The following TTC14 variants were observed in gnomAD, a reference collection of about 807,000 sequenced individuals.
TTC14 encodes tetratricopeptide repeat domain 14.
Under a neutral mutation model 79.9 loss-of-function variants are expected in TTC14, and 63 were observed. The observed-to-expected ratio is 0.79, with a 90% CI of 0.64 to 0.97. TTC14 has a LOEUF of 0.97. Among genes scored for constraint, TTC14 ranks in the 50% least tolerant of loss-of-function variants. The pLI is 0.00. For synonymous variants in TTC14, 335 were observed against 309.6 expected (o/e 1.08, Z -0.86); for missense variants, 895 against 894.0 (o/e 1.00, Z -0.01).
downstream of TTC14, among the ~76,000 whole-genome samples, chr3:180,613,151 T>C (rs1717092931): frequency 1.3e-5 from 2 of 152,206 alleles, no homozygotes; most frequent in Non-Finnish European, 1.5e-5. Flanking sequence ...TATGCCATAT[T>C]AAGCAGAGTA....
At position 180,610,491 on chromosome 3, in the gene TTC14, T is replaced by C. The variant is rs759333633; in HGVS notation, c.2262T>C (p.Phe754=). ...TACCTCAGAATTTACTGAATATATT[T>C]AATCAGATAGCTGAATTTGAAAAAG... ...KNLPQNLLNI[F]NQIAEFEKEK... The change falls in exon 12 of 12, where the codon TTT becomes TTC. Residue 754 remains phenylalanine (F), a synonymous_variant. Coordinates refer to ENST00000296015, the MANE Select transcript of TTC14 (RefSeq NM_133462.4). 6.9e-6 allele frequency: 11 copies of C among 1,591,772 alleles called. No individual in the cohort carries two copies. The South Asian group carries it at 1.2e-4, about 17-fold the overall frequency.
intron 7 of TTC14, 112 bp downstream of exon 7, chr3:180,605,949 C>A: frequency 9.1e-7 from 1 of 1,093,334 alleles, no homozygotes; most frequent in Non-Finnish European, 1.3e-6. Flanking sequence ...AAAGTGATGC[C>A]TTTTTGACAT....
intron 9 of TTC14, among the ~76,000 whole-genome samples, chr3:180,607,336 G>A (rs922814195): frequency 1.3e-5 from 2 of 152,098 alleles, no homozygotes; most frequent in Non-Finnish European, 2.9e-5. Flanking sequence ...AAAAAAGCCT[G>A]CTGGTATAAT....
downstream of TTC14, chr3:180,613,975 T>C: frequency 2.6e-6 from 1 of 386,450 alleles, no homozygotes; most frequent in Non-Finnish European, 5.1e-6. Flanking sequence ...GAGCATTTTT[T>C]CCCAAGGTTT....
At chr3:180,612,056 T>G (rs1009006985), downstream of TTC14, among the ~76,000 whole-genome samples, 2 of 152,176 alleles carry the variant, frequency 1.3e-5, no homozygotes, top group African/African-American at 2.4e-5. Flanking sequence ...ACTCAAAGCA[T>G]TAGTCTTTGC....
At chr3:180,603,835 A>C (rs1431713806) in intron 3 of TTC14, 1 of 238,550 alleles carries the variant, frequency 4.2e-6, no homozygotes, top group Non-Finnish European at 8.2e-6. Context: ...CTATCCAGGC[A>C]GATAAAAAGG....
rs1374541716 is a variant in TTC14, at chr3:180,610,242, A to G, written c.2013A>G (p.Ser671=). The G allele has an allele frequency of 3.1e-6, 5 of 1,613,916 alleles. No individual in the cohort carries two copies. The highest frequency in any genetic ancestry group is 4.2e-6 in the Non-Finnish European group (5 of 1,179,944). ...WEPGSVRHST[S]PASSEYSWKS... The stretch of plus-strand genomic sequence containing the variant: ...CAGGTTCTGTGAGGCATTCTACCTC[A>G]CCAGCAAGCTCAGAATACTCTTGGA... Residue 671 remains serine, a synonymous_variant, in exon 12 of 12, where the codon TCA becomes TCG. Coordinates refer to ENST00000296015, the MANE Select transcript of TTC14 (RefSeq NM_133462.4).
At position 180,610,666 on chromosome 3, in the gene TTC14, C is replaced by T. The variant is rs1012173995; in HGVS notation, c.*124C>T. The T allele has an allele frequency of 7.0e-7, 1 of 1,437,624 alleles. No homozygotes were observed. Among genetic ancestry groups the T allele is most frequent in the Non-Finnish European group, 9.1e-7 (1 of 1,099,748 alleles). The allele number at this position is 1,437,624 out of a possible 1,614,324, so 89.1% of individuals were successfully genotyped here. On this transcript the variant is annotated 3_prime_UTR_variant, in exon 12 of 12. Transcript: ENST00000296015. ...AATTATTTGTAGAGATTACAGGAAA[C>T]AAATGCTTTTAAGTAAGTTTTTCTC... is the stretch of plus-strand genomic sequence containing the variant.
chr3:180,613,336 A>ATAGGT (rs1263651476), downstream of TTC14, among the ~76,000 whole-genome samples: 1 of 152,192 alleles, frequency 6.6e-6, no homozygotes, highest in East Asian at 1.9e-4. Context: ...AGATTTGGAG[A>ATAGGT]TAGGTTGATC....
downstream of TTC14, among the ~76,000 whole-genome samples, chr3:180,618,020 T>G (rs1360381641): frequency 6.6e-6 from 1 of 152,130 alleles, no homozygotes; most frequent in Non-Finnish European, 1.5e-5. Flanking sequence ...TTGTACCTTT[T>G]CTATGTTTAG....
At position 180,602,557 on chromosome 3, in the gene TTC14, T is replaced by C. The variant is rs553548564; in HGVS notation, c.161+135T>C. 456 of 1,222,106 alleles carry C rather than the reference T, an allele frequency of 3.7e-4. No individual in the cohort carries two copies. In the African/African-American group the frequency reaches 6.4e-3, roughly 17 times the overall value. The allele number at this position is 1,222,106 out of a possible 1,614,324, so 75.7% of individuals were successfully genotyped here. ...ACAGGACGATCGCGCGCTGGTGTCT[T>C]GGGCTGGGTGGACGGGGGGCGCTCC... On this transcript the variant is annotated intron_variant, in intron 1 of 11. Transcript: ENST00000296015.
intron 6 of TTC14, 39 bp downstream of exon 6, chr3:180,605,046 G>A: frequency 6.4e-7 from 1 of 1,571,420 alleles, no homozygotes; most frequent in Non-Finnish European, 8.6e-7. Flanking sequence ...GGTGAGGGGA[G>A]TGGCAGTAAG....
At chr3:180,616,188 C>T (rs1717230628) in intron 12 of TTC14, 1 of 1,024,876 alleles carries the variant, frequency 9.8e-7, no homozygotes, top group African/African-American at 1.6e-5. Context: ...GTGCATGGGC[C>T]TGCCTAACAG....
chr3:180,614,345 T>A (rs1224297392), downstream of TTC14: 1 of 131,778 alleles, frequency 7.6e-6, no homozygotes, highest in Non-Finnish European at 1.6e-5. Context: ...TTAAAATTGA[T>A]ATACAGTGTT....
chr3:180,614,999 T>G (rs1282796325), downstream of TTC14: 1 of 1,563,262 alleles, frequency 6.4e-7, no homozygotes, highest in Non-Finnish European at 8.7e-7. Context: ...TGCCTACTAG[T>G]GAAGAGGAGG....
intron 1 of TTC14, 156 bp downstream of exon 1, chr3:180,602,578 G>A: frequency 9.5e-7 from 1 of 1,049,706 alleles, no homozygotes; most frequent in Non-Finnish European, 1.3e-6. Context: ...GACGGGGGGC[G>A]CTCCTGGGTT....
downstream of TTC14, among the ~76,000 whole-genome samples, chr3:180,612,247 CAACAT>C (rs1717020118): frequency 6.6e-6 from 1 of 152,134 alleles, no homozygotes; most frequent in African/African-American, 2.4e-5. Context: ...ATTTTAAACA[CAACAT>C]TTAAAAAATT....
chr3:180,604,644 C>T (rs749919537), intron 5 of TTC14, 37 bp downstream of exon 5: 4 of 1,577,600 alleles, frequency 2.5e-6, no homozygotes, highest in Non-Finnish European at 3.4e-6. Flanking sequence ...CAGTTCATTA[C>T]AAAAGTCTCT....
intron 7 of TTC14, 98 bp from the exon 8 acceptor site, chr3:180,606,155 C>A: frequency 6.6e-7 from 1 of 1,524,852 alleles, no homozygotes. Context: ...AATATTTTGC[C>A]AAGTTTGATG....
Sources: gnomAD v4.1 joint callset for allele counts (sites outside exome capture counted in the v4.1 genomes callset) on GRCh38, gnomAD v4.1.1 for gene constraint, MANE v1.5 for transcripts, NCBI Gene and HGNC (gene_info 2026-07-23, HGNC 2026-07-21) for gene names.